The following CCNY variants were observed in gnomAD, a reference collection of about 807,000 sequenced individuals.
CCNY encodes the protein cyclin-Y.
A neutral mutation model predicts 42.8 loss-of-function variants in CCNY; 19 were observed. The ratio of observed to expected loss-of-function variants is 0.44; its 90% CI spans 0.31 to 0.65. CCNY has a LOEUF of 0.65. Ranked by LOEUF, CCNY falls within the 30% of genes least tolerant of loss-of-function variation. The pLI is 0.07. For synonymous variants in CCNY, 165 were observed against 162.7 expected (o/e 1.01, Z -0.11); for missense variants, 370 against 437.3 (o/e 0.85, Z 1.37).
intron 3 of CCNY, among the ~76,000 whole-genome samples, chr10:35,300,764 T>G (rs1471371096): frequency 6.6e-6 from 1 of 152,170 alleles, no homozygotes; most frequent in African/African-American, 2.4e-5. Flanking sequence ...ATGTAAGCTC[T>G]ATTATTTATT....
intron 4 of CCNY, among the ~76,000 whole-genome samples, chr10:35,518,123 A>G (rs1840467317): frequency 6.6e-6 from 1 of 152,186 alleles, no homozygotes; most frequent in South Asian, 2.1e-4. Flanking sequence ...GTTGCTCAAC[A>G]CTTTCATCCT....
intron 2 of CCNY, among the ~76,000 whole-genome samples, chr10:35,249,125 G>C (rs929569847): frequency 6.6e-6 from 1 of 152,040 alleles, no homozygotes; most frequent in African/African-American, 2.4e-5. Flanking sequence ...GTAGAGATGA[G>C]GGAGGCAGGT....
At chr10:35,369,958 T>G (rs952811837) in intron 1 of CCNY, among the ~76,000 whole-genome samples, 5 of 152,238 alleles carry the variant, frequency 3.3e-5, no homozygotes, top group African/African-American at 1.2e-4. Flanking sequence ...CCTGGATGAC[T>G]ATTTAAATAT....
intron 3 of CCNY, among the ~76,000 whole-genome samples, chr10:35,256,589 G>A (rs1225650821): frequency 4.6e-5 from 7 of 151,840 alleles, no homozygotes; most frequent in East Asian, 1.9e-4. Context: ...AAAATTAGCT[G>A]GGTGTGGTGG....
In CCNY at chr10:35,366,243, C is replaced by A. The variant is rs1836805583; in HGVS notation, c.154+29036C>A. Among the ~76,000 whole-genome samples, 4 of 152,196 alleles carry A rather than the reference C, an allele frequency of 2.6e-5. No homozygotes were observed. In the South Asian group the frequency reaches 8.3e-4, roughly 32 times the overall value. ...GTTTCCTTGATGAGATGGTGGCAAT[C>A]ATTTGCCTTTTGAGAATAAATTAGA... On this transcript the variant is annotated intron_variant, in intron 1 of 9. Coordinates refer to ENST00000374704, the MANE Select transcript of CCNY (RefSeq NM_145012.6).
intron 3 of CCNY, 115 bp from the exon 4 acceptor site, chr10:35,516,408 C>A (rs886963471): frequency 2.8e-6 from 2 of 712,674 alleles, no homozygotes; most frequent in South Asian, 3.1e-5. Context: ...GTTGACATTT[C>A]TTGCTAAGAC....
intron 1 of CCNY, among the ~76,000 whole-genome samples, chr10:35,399,249 G>T (rs900317600): frequency 6.6e-6 from 1 of 152,138 alleles, no homozygotes; most frequent in Non-Finnish European, 1.5e-5. Flanking sequence ...TGGTGAGGTC[G>T]TAGCTCCCTG....
intron 3 of CCNY, among the ~76,000 whole-genome samples, chr10:35,299,518 C>T (rs1224902133): frequency 6.6e-6 from 1 of 152,140 alleles, no homozygotes; most frequent in African/African-American, 2.4e-5. Context: ...TGTGAAATGT[C>T]CCTCCTTATG....
At chr10:35,374,941 AG>A (rs1238506359) in intron 1 of CCNY, among the ~76,000 whole-genome samples, 2 of 152,240 alleles carry the variant, frequency 1.3e-5, no homozygotes, top group East Asian at 3.8e-4. Context: ...GATGGAAAAA[AG>A]GGTTCTCAGA....
At chr10:35,357,563 A>T (rs1189215506) in intron 1 of CCNY, among the ~76,000 whole-genome samples, 2 of 152,198 alleles carry the variant, frequency 1.3e-5, no homozygotes, top group East Asian at 3.9e-4. Flanking sequence ...GATTCAGATT[A>T]TGTATTTTTG....
chr10:35,326,711 C>T (rs1835884755), intron 3 of CCNY, among the ~76,000 whole-genome samples: 1 of 151,966 alleles, frequency 6.6e-6, no homozygotes, highest in South Asian at 2.1e-4. Context: ...CATAGCAAGA[C>T]CCTGTCTCAA....
intron 1 of CCNY, among the ~76,000 whole-genome samples, chr10:35,458,456 C>T (rs969059524): frequency 2.4e-4 from 37 of 152,342 alleles, no homozygotes; most frequent in African/African-American, 8.2e-4. Flanking sequence ...AGTAATTCCT[C>T]ATTCAATAAA....
At chr10:35,257,596 G>A (rs181419875) in intron 3 of CCNY, among the ~76,000 whole-genome samples, 78 of 152,234 alleles carry the variant, frequency 5.1e-4, no homozygotes, top group Admixed American at 1.2e-3. Flanking sequence ...GAGTCTCTGG[G>A]AGAAATGTGC....
intron 1 of CCNY, among the ~76,000 whole-genome samples, chr10:35,476,988 A>G (rs898227342): frequency 3.9e-5 from 6 of 152,188 alleles, no homozygotes; most frequent in South Asian, 2.1e-4. Flanking sequence ...ACAAACTACC[A>G]TCAGAGAATA....
At chr10:35,263,137 A>T (rs1426871654) in intron 3 of CCNY, among the ~76,000 whole-genome samples, 6 of 151,912 alleles carry the variant, frequency 3.9e-5, no homozygotes, top group Non-Finnish European at 8.8e-5. Context: ...TGGGTGGATC[A>T]CGAGGTTAGG....
chr10:35,386,034 AT>A (rs1238953283), intron 1 of CCNY, among the ~76,000 whole-genome samples: 1 of 152,026 alleles, frequency 6.6e-6, no homozygotes. Context: ...TCTGATTGAA[AT>A]GGGAAACAGA....
chr10:35,463,524 A>G (rs972957810), intron 1 of CCNY, among the ~76,000 whole-genome samples: 3 of 152,244 alleles, frequency 2.0e-5, no homozygotes, highest in African/African-American at 7.2e-5. Context: ...AAGGTAATAA[A>G]TAGTGAAACT....
At chr10:35,483,196 C>T (rs1413603272) in intron 1 of CCNY, among the ~76,000 whole-genome samples, 1 of 152,088 alleles carries the variant, frequency 6.6e-6, no homozygotes, top group Admixed American at 6.6e-5. Flanking sequence ...GATGTCTAGC[C>T]AACTGTCTAA....
chr10:35,438,050 A>C (rs1196596728), intron 1 of CCNY, among the ~76,000 whole-genome samples: 3 of 152,002 alleles, frequency 2.0e-5, no homozygotes, highest in Admixed American at 6.6e-5. Context: ...CTCTCTCTCG[A>C]GAGTCTCTGC....
Sources: gnomAD v4.1 joint callset for allele counts (sites outside exome capture counted in the v4.1 genomes callset) on GRCh38, gnomAD v4.1.1 for gene constraint, MANE v1.5 for transcripts, NCBI Gene and HGNC (gene_info 2026-07-23, HGNC 2026-07-21) for gene names.